CACNA1C: variants seen among roughly 807,000 people sequenced by gnomAD.
CACNA1C encodes calcium voltage-gated channel subunit alpha1 C, also known as voltage-dependent L-type calcium channel subunit alpha-1C.
CACNA1C carries 30 observed loss-of-function variants against 229.0 expected under a neutral mutation model. The ratio of observed to expected loss-of-function variants is 0.13; its 90% CI spans 0.10 to 0.18. The LOEUF is 0.18. Among genes scored for constraint, CACNA1C ranks in the 10% least tolerant of loss-of-function variants. The pLI is 1.00. For missense variants in CACNA1C, 1,658 were observed against 2,845.0 expected (o/e 0.58, Z 9.49); for synonymous variants, 1,114 against 1,132.5 (o/e 0.98, Z 0.33).
intron 3 of CACNA1C, among the ~76,000 whole-genome samples, chr12:2,270,966 G>T (rs2084704173): frequency 6.6e-6 from 1 of 152,130 alleles, no homozygotes; most frequent in Non-Finnish European, 1.5e-5. Context: ...CACTCCCTTT[G>T]CCGAGGGCTG....
chr12:2,121,498 C>A (rs2086706899), intron 3 of CACNA1C, among the ~76,000 whole-genome samples: 1 of 152,190 alleles, frequency 6.6e-6, no homozygotes, highest in African/African-American at 2.4e-5. Context: ...ACCGCTGATG[C>A]ATAGCAGGTA....
intron 1 of CACNA1C, among the ~76,000 whole-genome samples, chr12:2,022,149 G>GT (rs2046570658): frequency 6.6e-6 from 1 of 152,166 alleles, no homozygotes; most frequent in Non-Finnish European, 1.5e-5. Flanking sequence ...GTGAACTGCT[G>GT]TATTGACAGG....
At position 1,991,565 on chromosome 12, in the gene CACNA1C, T is replaced by C. The variant is rs141260908; in HGVS notation, c.139+20364T>C. ...AGGTTTTTTCCTTTTTTTTTTGCACTGTCTGACAGTTGGTGCCTGTTGGAC... is the reference window on the plus strand; with the variant it reads ...AGGTTTTTTCCTTTTTTTTTTGCACCGTCTGACAGTTGGTGCCTGTTGGAC... On this transcript the variant is annotated intron_variant, in intron 1 of 46. Coordinates refer to the CACNA1C transcript ENST00000682462. 8.5e-5 allele frequency: 21 copies of C among 246,590 alleles called. No individual in the cohort carries two copies. In the East Asian group the frequency reaches 1.7e-3, roughly 20 times the overall value. The allele number at this position is 246,590 out of a possible 1,614,324, so 15.3% of individuals were successfully genotyped here.
intron 3 of CACNA1C, among the ~76,000 whole-genome samples, chr12:2,306,946 T>C (rs1223485123): frequency 6.6e-6 from 1 of 152,228 alleles, no homozygotes; most frequent in Non-Finnish European, 1.5e-5. Flanking sequence ...TCAGGAATTA[T>C]GCTGTTGGCA....
chr12:2,221,120 C>T (rs987509186), intron 3 of CACNA1C, among the ~76,000 whole-genome samples: 1 of 152,076 alleles, frequency 6.6e-6, no homozygotes, highest in Non-Finnish European at 1.5e-5. Flanking sequence ...AGTACAAAGG[C>T]CCAGAGGCAG....
chr12:2,384,405 G>A (rs2098330503), intron 3 of CACNA1C, among the ~76,000 whole-genome samples: 1 of 152,144 alleles, frequency 6.6e-6, no homozygotes, highest in Non-Finnish European at 1.5e-5. Flanking sequence ...TTTGGTCGTG[G>A]ATTCGGAACT....
At chr12:2,183,740 G>T (rs1186355233) in intron 3 of CACNA1C, among the ~76,000 whole-genome samples, 1 of 152,240 alleles carries the variant, frequency 6.6e-6, no homozygotes, top group Non-Finnish European at 1.5e-5. Context: ...TTGCCTTCCC[G>T]CCAGGTGGGT....
chr12:2,035,601 G>T (rs2048994873), intron 1 of CACNA1C, among the ~76,000 whole-genome samples: 1 of 152,222 alleles, frequency 6.6e-6, no homozygotes, highest in African/African-American at 2.4e-5. Flanking sequence ...TAAGTGCGCG[G>T]ACTCATCTGA....
At chr12:2,051,106 C>T (rs771316957), upstream of CACNA1C, among the ~76,000 whole-genome samples, 1 of 152,036 alleles carries the variant, frequency 6.6e-6, no homozygotes, top group Non-Finnish European at 1.5e-5. Context: ...AGATAGGGAG[C>T]GCTGTGGGGG....
chr12:2,177,365 A>T (rs1312836479), intron 3 of CACNA1C, among the ~76,000 whole-genome samples: 2 of 152,170 alleles, frequency 1.3e-5, no homozygotes, highest in African/African-American at 4.8e-5. Flanking sequence ...CTAAATAAAT[A>T]AAAAATACAC....
chr12:2,125,035 C>T (rs1484585226), intron 3 of CACNA1C, among the ~76,000 whole-genome samples: 7 of 151,984 alleles, frequency 4.6e-5, no homozygotes, highest in Admixed American at 3.3e-4. Context: ...GGGAGGGTAG[C>T]AGTGACCACA....
chr12:2,634,406 CCGT>C, intron 30 of CACNA1C, 26 bp downstream of exon 30: 1 of 1,284,372 alleles, frequency 7.8e-7, no homozygotes, highest in Non-Finnish European at 1.1e-6. Context: ...CTGTCCCTAA[CCGT>C]CCGTGCCTGC....
At chr12:2,063,537 T>C (rs1262055259) in intron 1 of CACNA1C, among the ~76,000 whole-genome samples, 1 of 152,236 alleles carries the variant, frequency 6.6e-6, no homozygotes, top group African/African-American at 2.4e-5. Flanking sequence ...AGATAGGTCA[T>C]GACAATTTAC....
intron 3 of CACNA1C, among the ~76,000 whole-genome samples, chr12:2,326,704 G>A (rs991202848): frequency 6.6e-6 from 1 of 152,222 alleles, no homozygotes; most frequent in Non-Finnish European, 1.5e-5. Flanking sequence ...ATTTCACCCT[G>A]TTCTCAAGGC....
chr12:2,135,965 T>C (rs540514163), intron 3 of CACNA1C, among the ~76,000 whole-genome samples: 1 of 149,904 alleles, frequency 6.7e-6, no homozygotes, highest in East Asian at 1.9e-4. Flanking sequence ...CGAGACTCCG[T>C]GGGCGTAGGA....
Position 2,067,218 on chromosome 12 carries a change from A to G in CACNA1C, c.49+13607A>G, listed in dbSNP as rs2059578362. On this transcript the variant is annotated intron_variant, in intron 1 of 46. Transcript: ENST00000399655. This position sits in a 1 kb window ranked among gnomAD's most constrained non-coding sequence, Gnocchi z 5.3. ...AGGTGGCCAGTGGGATGCAGGAGCCAGGATGCATCGTTTTAGTGGGAGTCA... is the reference window on the plus strand; with the variant it reads ...AGGTGGCCAGTGGGATGCAGGAGCCGGGATGCATCGTTTTAGTGGGAGTCA... Among the ~76,000 whole-genome samples the G allele has an allele frequency of 6.6e-6, 1 of 152,144 alleles. No homozygotes were observed. The highest frequency in any genetic ancestry group is 1.5e-5 in the Non-Finnish European group (1 of 68,004).
Position 2,348,278 on chromosome 12 carries a change from T to C in CACNA1C, c.478-100698T>C, listed in dbSNP as rs746115877. Among the ~76,000 whole-genome samples the C allele has an allele frequency of 8.5e-5, 13 of 152,184 alleles. No individual in the cohort carries two copies. The highest frequency in any genetic ancestry group is 1.8e-4 in the Non-Finnish European group (12 of 68,034). ...GGCAGGTCTGCAGCCCCTCCCCCAC[T>C]GCAGGGCCAGGACAGGCCGTCCTGA... is the stretch of plus-strand genomic sequence containing the variant. On this transcript the variant is annotated intron_variant, in intron 3 of 46. Transcript: ENST00000399655. The surrounding 1 kb of genome is among the most constrained non-coding windows in gnomAD (Gnocchi z 4.7).
At chr12:2,439,871 T>C (rs1398780398) in intron 3 of CACNA1C, among the ~76,000 whole-genome samples, 1 of 152,188 alleles carries the variant, frequency 6.6e-6, no homozygotes, top group Non-Finnish European at 1.5e-5. Flanking sequence ...CCTGTCCTTC[T>C]GCTTTACAAG....
chr12:2,180,949 G>T (rs2096822242), intron 3 of CACNA1C, among the ~76,000 whole-genome samples: 1 of 152,146 alleles, frequency 6.6e-6, no homozygotes, highest in Non-Finnish European at 1.5e-5. Flanking sequence ...TGTTATATTT[G>T]TAGCAGTTCT....
Sources: allele counts gnomAD v4.1 joint callset (sites outside exome capture counted in the v4.1 genomes callset), GRCh38; gene constraint gnomAD v4.1.1; non-coding constraint Gnocchi (gnomAD v3.1); transcripts MANE v1.5; gene names NCBI Gene and HGNC (gene_info 2026-07-23, HGNC 2026-07-21).